MAML3: variants seen among roughly 807,000 people sequenced by gnomAD.
MAML3 encodes mastermind like transcriptional coactivator 3.
MAML3 carries 27 observed loss-of-function variants against 101.9 expected under a neutral mutation model. That is an observed-to-expected ratio of 0.27 (90% CI 0.20 to 0.37). MAML3 has a LOEUF of 0.37. Among genes scored for constraint, MAML3 ranks in the 10% least tolerant of loss-of-function variants. The pLI, the probability that MAML3 is intolerant of heterozygous loss-of-function variation, is 1.00. For synonymous variants in MAML3, 501 were observed against 555.9 expected (o/e 0.90, Z 1.39); for missense variants, 1,316 against 1,444.9 (o/e 0.91, Z 1.45).
chr4:140,148,610 G>A (rs574153527), intron 1 of MAML3, among the ~76,000 whole-genome samples: 2 of 152,280 alleles, frequency 1.3e-5, no homozygotes, highest in South Asian at 4.1e-4. Flanking sequence ...AAATAGCTTG[G>A]TAATACGAGC....
chr4:139,806,442 GA>G (rs1210886897), intron 2 of MAML3, among the ~76,000 whole-genome samples: 7 of 151,954 alleles, frequency 4.6e-5, no homozygotes, highest in Non-Finnish European at 1.5e-5. Flanking sequence ...TATTATATTG[GA>G]AAAAAATTAA....
chr4:139,997,694 A>G (rs1017255737), intron 1 of MAML3, among the ~76,000 whole-genome samples: 2 of 151,744 alleles, frequency 1.3e-5, no homozygotes, highest in African/African-American at 4.8e-5. Context: ...TTTAGCTTTA[A>G]GGATTTCCTT....
chr4:139,779,296 C>T (rs1007214412), intron 2 of MAML3, among the ~76,000 whole-genome samples: 2 of 152,190 alleles, frequency 1.3e-5, no homozygotes, highest in Non-Finnish European at 2.9e-5. Flanking sequence ...GAAGGCATAA[C>T]TCTGGTAGGT....
intron 1 of MAML3, among the ~76,000 whole-genome samples, chr4:139,913,510 A>G (rs770116815): frequency 2.0e-5 from 3 of 152,098 alleles, no homozygotes; most frequent in Admixed American, 2.0e-4. Flanking sequence ...CTTGAGTTTC[A>G]TGGGGGAAAA....
chr4:139,770,831 T>A (rs1729960310), intron 2 of MAML3, among the ~76,000 whole-genome samples: 1 of 152,198 alleles, frequency 6.6e-6, no homozygotes, highest in South Asian at 2.1e-4. Flanking sequence ...GGATGGCCTG[T>A]ATATTTGTAA....
At chr4:140,033,912 G>A (rs1267039997) in intron 1 of MAML3, among the ~76,000 whole-genome samples, 1 of 152,170 alleles carries the variant, frequency 6.6e-6, no homozygotes, top group African/African-American at 2.4e-5. Flanking sequence ...GTCTATAAAA[G>A]AATGTGCCCA....
At chr4:140,112,053 T>C (rs1055536913) in intron 1 of MAML3, among the ~76,000 whole-genome samples, 2 of 152,226 alleles carry the variant, frequency 1.3e-5, no homozygotes, top group Non-Finnish European at 2.9e-5. Flanking sequence ...AATAATGCTA[T>C]GTCCTTTTTT....
At chr4:140,028,278 C>G (rs968976483) in intron 1 of MAML3, among the ~76,000 whole-genome samples, 4 of 152,050 alleles carry the variant, frequency 2.6e-5, no homozygotes, top group Non-Finnish European at 5.9e-5. Context: ...ACTGGCAGTT[C>G]TGATAAAGAG....
intron 1 of MAML3, among the ~76,000 whole-genome samples, chr4:140,128,793 A>G (rs899390841): frequency 2.0e-5 from 3 of 152,000 alleles, no homozygotes; most frequent in African/African-American, 7.3e-5. Flanking sequence ...AAGAACTAAC[A>G]CCCCAGCAAG....
intron 2 of MAML3, among the ~76,000 whole-genome samples, chr4:139,762,664 C>G (rs982629887): frequency 6.6e-6 from 1 of 152,178 alleles, no homozygotes; most frequent in Admixed American, 6.5e-5. Flanking sequence ...TGCAGGCAGG[C>G]CTCCTCGAGA....
At chr4:140,031,664 A>G (rs1285032227) in intron 1 of MAML3, among the ~76,000 whole-genome samples, 4 of 152,222 alleles carry the variant, frequency 2.6e-5, no homozygotes, top group Admixed American at 6.5e-5. Context: ...TTTTATAATA[A>G]CCCTGTAGTG....
At chr4:139,872,049 A>G (rs754348608) in intron 2 of MAML3, among the ~76,000 whole-genome samples, 4 of 152,226 alleles carry the variant, frequency 2.6e-5, no homozygotes, top group Non-Finnish European at 4.4e-5. Context: ...TTTTTGTAGC[A>G]GTATTTCTCA....
chr4:139,930,694 C>A (rs913096989), intron 1 of MAML3, among the ~76,000 whole-genome samples: 1 of 152,150 alleles, frequency 6.6e-6, no homozygotes, highest in Admixed American at 6.5e-5. Context: ...TCACCACTTT[C>A]CCTGGTCTCT....
intron 1 of MAML3, among the ~76,000 whole-genome samples, chr4:140,099,791 C>G (rs1227074092): frequency 6.6e-6 from 1 of 152,206 alleles, no homozygotes; most frequent in African/African-American, 2.4e-5. Context: ...CTTTTCCATT[C>G]TATCACTCAG....
intron 1 of MAML3, among the ~76,000 whole-genome samples, chr4:139,897,670 A>C (rs541544041): frequency 3.5e-4 from 54 of 152,268 alleles, no homozygotes; most frequent in African/African-American, 1.3e-3. Context: ...CGCCACCTCC[A>C]ACCCATTCTC....
At chr4:139,952,233 G>A (rs763397141) in intron 1 of MAML3, among the ~76,000 whole-genome samples, 5 of 152,184 alleles carry the variant, frequency 3.3e-5, no homozygotes, top group Non-Finnish European at 5.9e-5. Flanking sequence ...CAGACTGTGA[G>A]TTGGGGATTC....
Position 139,995,316 on chromosome 4 carries a change from T to C in MAML3, c.469-104349A>G, listed in dbSNP as rs77295723. Among the ~76,000 whole-genome samples the C allele has an allele frequency of 6.8e-4, 103 of 152,316 alleles. 2 individuals carry two copies. The East Asian group carries it at 0.016, about 23-fold the overall frequency. On this transcript the variant is annotated intron_variant, in intron 1 of 4. Coordinates refer to ENST00000509479, the MANE Select transcript of MAML3 (RefSeq NM_018717.5). Reference sequence around the variant, plus strand: ...AATTTGCTAATATTTTGTTAAGGATTTGTGCATCTATGCTCATGAGGACAT... The same window carrying C: ...AATTTGCTAATATTTTGTTAAGGATCTGTGCATCTATGCTCATGAGGACAT...
chr4:139,839,058 G>C (rs1731312068), intron 2 of MAML3, among the ~76,000 whole-genome samples: 1 of 152,210 alleles, frequency 6.6e-6, no homozygotes, highest in African/African-American at 2.4e-5. Flanking sequence ...AAGCTTAAAT[G>C]TCTTAAGAGA....
chr4:139,767,637 T>A (rs1443561413), intron 2 of MAML3, among the ~76,000 whole-genome samples: 1 of 152,246 alleles, frequency 6.6e-6, no homozygotes, highest in African/African-American at 2.4e-5. Context: ...TTTCAGTCTT[T>A]ATGTATTCAG....
Sources: gnomAD v4.1 joint callset for allele counts (sites outside exome capture counted in the v4.1 genomes callset) on GRCh38, gnomAD v4.1.1 for gene constraint, MANE v1.5 for transcripts, NCBI Gene and HGNC (gene_info 2026-07-23, HGNC 2026-07-21) for gene names.